The following USP36 variants were observed in gnomAD, a reference collection of about 807,000 sequenced individuals.
USP36 encodes the protein ubiquitin specific peptidase 36.
A neutral mutation model predicts 111.5 loss-of-function variants in USP36; 59 were observed. The ratio of observed to expected loss-of-function variants is 0.53; its 90% CI spans 0.43 to 0.66. The LOEUF is 0.66. USP36 is among the 30% of genes least tolerant of loss of function. USP36 has a pLI of 0.00. For missense variants in USP36, 1,488 were observed against 1,468.0 expected (o/e 1.01, Z -0.22); for synonymous variants, 628 against 581.0 (o/e 1.08, Z -1.16).
chr17:78,819,787 GT>G, intron 9 of USP36, 142 bp downstream of exon 9: 1 of 786,460 alleles, frequency 1.3e-6, no homozygotes, highest in Non-Finnish European at 2.1e-6. Flanking sequence ...AGAAGTTTGA[GT>G]TTTTAGGACA....
At position 78,807,629 on chromosome 17, in the gene USP36, T is replaced by A. The variant is rs2093943756; in HGVS notation, c.1415A>T (p.Asp472Val). Reference protein sequence around the residue: ...ISSPLTGKRQDSGTMKKPHTT... With the variant: ...ISSPLTGKRQVSGTMKKPHTT... ...GTGCGGCTTCTTCATCGTCCCAGAGTCTTGTCGCTAAGGAGACCAAAGCAG... is the reference window on the plus strand; with the variant it reads ...GTGCGGCTTCTTCATCGTCCCAGAGACTTGTCGCTAAGGAGACCAAAGCAG... Residue 472 changes from aspartate (D) to valine (V), a missense_variant, in exon 14 of 21, where the codon GAC becomes GTC. Asp to Val is a radical substitution (Grantham distance 152, BLOSUM62 -3). Transcript: ENST00000449938. 3 of 1,526,416 alleles carry A rather than the reference T, an allele frequency of 2.0e-6. No homozygotes were observed. The South Asian group carries it at 3.9e-5, about 20-fold the overall frequency. The allele number at this position is 1,526,416 out of a possible 1,614,324, so 94.6% of individuals were successfully genotyped here. A position where few individuals can be genotyped will look rare whatever the true frequency, so the allele number is the denominator to read the frequency against.
chr17:78,792,073 G>A (rs1274313190), downstream of USP36: 2 of 152,488 alleles, frequency 1.3e-5, no homozygotes, highest in African/African-American at 4.8e-5. Context: ...GGTCAACAGT[G>A]TCAAATCCTG....
intron 4 of USP36, among the ~76,000 whole-genome samples, chr17:78,830,457 C>T (rs1222860109): frequency 6.6e-6 from 1 of 152,184 alleles, no homozygotes; most frequent in Non-Finnish European, 1.5e-5. Flanking sequence ...AGACATTTTG[C>T]AATGAACAAT....
chr17:78,809,497 G>A lies in USP36; in HGVS notation c.1408-1861C>T, dbSNP rs151236243. On this transcript the variant is annotated intron_variant, in intron 13 of 20. Coordinates refer to ENST00000449938, the MANE Select transcript of USP36 (RefSeq NM_001385174.1). ...GCTTGCAGTGTATTTGGAAAATCACGTTTGTAATGAAAATGCTCATGGTCA... is the reference window on the plus strand; with the variant it reads ...GCTTGCAGTGTATTTGGAAAATCACATTTGTAATGAAAATGCTCATGGTCA... Among the ~76,000 whole-genome samples, 80 of 152,172 alleles carry A rather than the reference G, an allele frequency of 5.3e-4. 1 individual carries two copies. Among genetic ancestry groups the A allele is most frequent in the African/African-American group, 1.6e-3 (68 of 41,538 alleles).
downstream of USP36, among the ~76,000 whole-genome samples, chr17:78,790,762 C>T (rs1332464385): frequency 1.3e-5 from 2 of 152,298 alleles, no homozygotes; most frequent in South Asian, 2.1e-4. Context: ...ACACACATTT[C>T]GCAGCAAGTA....
In USP36 at chr17:78,803,704, G is replaced by T; in HGVS notation, c.2491C>A (p.Gln831Lys). The change falls in exon 16 of 21, where the codon CAG becomes AAG. Residue 831 changes from glutamine to lysine, a missense_variant. Gln to Lys is a moderately conservative substitution (Grantham distance 53). Around this residue, in one of 3 missense-constraint regions of USP36, gnomAD observed 1,073 missense variants for 994.1 expected, o/e 1.08. Transcript: ENST00000449938. This position sits in a 1 kb window ranked among gnomAD's most constrained non-coding sequence, Gnocchi z 4.6. ...QRLGSETRLP[Q>K]HIREATAAPH... Reference sequence around the variant, plus strand: ...GCCGCAGTGGCCTCCCTGATGTGCTGTGGGAGGCGCGTCTCTGAGCCCAGC... The same window carrying T: ...GCCGCAGTGGCCTCCCTGATGTGCTTTGGGAGGCGCGTCTCTGAGCCCAGC... 2 of 1,611,854 alleles carry T rather than the reference G, an allele frequency of 1.2e-6. No individual in the cohort carries two copies. The highest frequency in any genetic ancestry group is 1.7e-6 in the Non-Finnish European group (2 of 1,179,896).
At chr17:78,792,919 TTGGTCAGGC>T, downstream of USP36, among the ~76,000 whole-genome samples, 1 of 152,252 alleles carries the variant, frequency 6.6e-6, no homozygotes, top group South Asian at 2.1e-4. Context: ...TTTCACCATG[TTGGTCAGGC>T]TGGTCTCGAA....
intron 12 of USP36, among the ~76,000 whole-genome samples, chr17:78,813,492 G>GAGC (rs2094115860): frequency 6.6e-6 from 1 of 152,154 alleles, no homozygotes; most frequent in Non-Finnish European, 1.5e-5. Flanking sequence ...ACCATCCAGG[G>GAGC]AGCAGTACCT....
chr17:78,788,066 G>A (rs2093550249), intron 3 of USP36, among the ~76,000 whole-genome samples: 1 of 152,190 alleles, frequency 6.6e-6, no homozygotes, highest in African/African-American at 2.4e-5. Context: ...ATTGTCTTAA[G>A]CCACCCAGTT....
chr17:78,794,770 G>A (rs1438181800), downstream of USP36, among the ~76,000 whole-genome samples: 1 of 152,140 alleles, frequency 6.6e-6, no homozygotes, highest in African/African-American at 2.4e-5. Context: ...CACTTTGGGA[G>A]GCTGAGGCAA....
chr17:78,818,882 T>C (rs749169554), intron 9 of USP36, 104 bp from the exon 10 acceptor site: 28 of 1,165,598 alleles, frequency 2.4e-5, no homozygotes, highest in Non-Finnish European at 3.3e-5. Context: ...TCTGTAATAG[T>C]GGAATCTTCA....
At chr17:78,821,169 A>C in intron 7 of USP36, 108 bp from the exon 8 acceptor site, 2 of 1,073,714 alleles carry the variant, frequency 1.9e-6, no homozygotes, top group Non-Finnish European at 2.7e-6. Flanking sequence ...GCTTTGGCCA[A>C]AGATGAGATT....
chr17:78,788,894 G>A (rs992843134), intron 3 of USP36, among the ~76,000 whole-genome samples: 1 of 152,060 alleles, frequency 6.6e-6, no homozygotes, highest in Non-Finnish European at 1.5e-5. Context: ...TGGGGACAAT[G>A]CTGGCTTCAC....
chr17:78,794,158 C>G (rs2093604778), downstream of USP36, among the ~76,000 whole-genome samples: 1 of 152,240 alleles, frequency 6.6e-6, no homozygotes, highest in Non-Finnish European at 1.5e-5. Context: ...TAATGCCAAT[C>G]TCTTAGCTCT....
rs376191854 is a variant in USP36 at position 78,833,008 on chromosome 17, C to A, written c.475+2272G>T. ...TACTAAAAATACAAAATTAGCCAGG[C>A]GTGGTGGCGGGCACCTGCAGTCCCA... is the stretch of plus-strand genomic sequence containing the variant. On this transcript the variant is annotated intron_variant, in intron 4 of 20. Transcript: ENST00000449938. Among the ~76,000 whole-genome samples, 48 of 152,074 alleles carry A rather than the reference C, an allele frequency of 3.2e-4. No homozygotes were observed. The East Asian group carries it at 7.5e-3, about 24-fold the overall frequency.
At chr17:78,806,109 A>G (rs745409909) in intron 15 of USP36, 47 bp downstream of exon 15, 1 of 1,611,026 alleles carries the variant, frequency 6.2e-7, no homozygotes, top group Non-Finnish European at 8.5e-7. Context: ...ACACGCAACC[A>G]CAGGGAGAAC....
chr17:78,799,831 C>T (rs1029410454), intron 17 of USP36, 63 bp from the exon 18 acceptor site: 1 of 1,165,456 alleles, frequency 8.6e-7, no homozygotes, highest in South Asian at 1.5e-5. Flanking sequence ...GGGAAGCAAT[C>T]GCACACCTTA....
At chr17:78,808,674 ATG>A (rs1420042710) in intron 13 of USP36, among the ~76,000 whole-genome samples, 11 of 152,314 alleles carry the variant, frequency 7.2e-5, no homozygotes, top group Non-Finnish European at 1.5e-4. Context: ...TGTACAGTAT[ATG>A]TGTGTGTATC....
intron 6 of USP36, 108 bp downstream of exon 6, chr17:78,827,137 A>G (rs1451192512): frequency 7.9e-7 from 1 of 1,270,846 alleles, no homozygotes; most frequent in Non-Finnish European, 1.1e-6. Context: ...ACCCAAGGGC[A>G]GCCTGGGTAG....
Sources: allele counts gnomAD v4.1 joint callset (sites outside exome capture counted in the v4.1 genomes callset), GRCh38; gene constraint gnomAD v4.1.1; regional missense constraint gnomAD v4.1.1; non-coding constraint Gnocchi (gnomAD v3.1); transcripts MANE v1.5; gene names NCBI Gene and HGNC (gene_info 2026-07-23, HGNC 2026-07-21).